Variants in ENOX2 observed in about 807,000 individuals in gnomAD.
ENOX2 encodes the protein ecto-NOX disulfide-thiol exchanger 2, also known as APK1 antigen.
In ENOX2, 36 loss-of-function variants were observed where a neutral mutation model predicts 45.0. That is an observed-to-expected ratio of 0.80 (90% CI 0.61 to 1.06). The LOEUF (loss-of-function observed/expected upper bound fraction) is 1.06. Ranked by LOEUF, ENOX2 falls within the 50% of genes least tolerant of loss-of-function variation. ENOX2 has a pLI of 0.00. For missense variants in ENOX2, 423 were observed against 462.5 expected (o/e 0.91, Z 0.78); for synonymous variants, 174 against 152.3 (o/e 1.14, Z -1.05).
intron 3 of ENOX2, among the ~76,000 whole-genome samples, chrX:130,722,029 A>G (rs1350905599): frequency 1.2e-4 from 13 of 111,884 alleles, no homozygotes; most frequent in Non-Finnish European, 1.7e-4. Context: ...TTCCAGGAGT[A>G]TAAATGGCAC....
chrX:130,655,304 T>A (rs2036517617), intron 10 of ENOX2, among the ~76,000 whole-genome samples: 1 of 112,068 alleles, frequency 8.9e-6, no homozygotes, highest in Non-Finnish European at 1.9e-5. Context: ...AAAATTCAGA[T>A]GTAATAGCTA....
In ENOX2 at chrX:130,667,743, C is replaced by T; in HGVS notation, c.695-1G>A. On this transcript the variant is annotated splice_acceptor_variant, in intron 7 of 14. Transcript: ENST00000394363. LOFTEE classifies it high-confidence loss of function. Reference sequence around the variant, plus strand: ...ACAGCTTCTGAGAATTTGGAATCATCTGAAAAAAATATATTTTTATAACCA... The same window carrying T: ...ACAGCTTCTGAGAATTTGGAATCATTTGAAAAAAATATATTTTTATAACCA... The T allele has an allele frequency of 8.5e-7, 1 of 1,181,100 alleles. No homozygotes were observed. Among genetic ancestry groups the T allele is most frequent in the Non-Finnish European group, 1.1e-6 (1 of 873,334 alleles).
At chrX:130,896,110 C>G (rs2079056290) in intron 2 of ENOX2, among the ~76,000 whole-genome samples, 1 of 111,757 alleles carries the variant, frequency 8.9e-6, no homozygotes, top group African/African-American at 3.3e-5. Context: ...AAGAGCCAAG[C>G]CTAGCTTGAG....
chrX:130,666,550 A>T (rs1372007256), intron 8 of ENOX2, among the ~76,000 whole-genome samples: 2 of 108,598 alleles, frequency 1.8e-5, no homozygotes, highest in African/African-American at 3.3e-5. Flanking sequence ...CAGAGGTATT[A>T]TTTTTTTTTT....
Position 130,688,983 on chromosome X carries a change from G to A in ENOX2, c.133C>T (p.Pro45Ser). 1.7e-6 allele frequency: 2 copies of A among 1,207,436 alleles called. No homozygotes were observed. The highest frequency in any genetic ancestry group is 1.1e-6 in the Non-Finnish European group (1 of 892,485). The change falls in exon 5 of 15, where the codon CCA (proline) becomes TCA (serine). Residue 45 changes from proline (P) to serine (S), a missense_variant. Transcript: ENST00000394363. ...CCAGGCATCATTGGAGTTATTGGTG[G>A]AATTCCAGTCATCATTCCAAGAGCA... is the stretch of plus-strand genomic sequence containing the variant. ...DPALGMMTGI[P>S]PITPMMPGLG...
chrX:130,676,547 G>A (rs1057050937), intron 6 of ENOX2, among the ~76,000 whole-genome samples: 12 of 111,371 alleles, frequency 1.1e-4, no homozygotes, highest in Admixed American at 2.8e-4. Flanking sequence ...TGTTTAGATG[G>A]ATGCTTCCTG....
At chrX:130,882,790 C>T (rs755847287) in intron 2 of ENOX2, among the ~76,000 whole-genome samples, 46 of 111,736 alleles carry the variant, frequency 4.1e-4, no homozygotes, top group Admixed American at 1.0e-3. Flanking sequence ...ATATCTGCTC[C>T]GGGTAGCACA....
At chrX:130,819,771 T>C (rs1036607298) in intron 2 of ENOX2, among the ~76,000 whole-genome samples, 1 of 111,119 alleles carries the variant, frequency 9.0e-6, no homozygotes, top group African/African-American at 3.3e-5. Flanking sequence ...AGATGACAGG[T>C]TGATGGGTGC....
At chrX:130,851,847 C>T (rs1203456830) in intron 2 of ENOX2, among the ~76,000 whole-genome samples, 3 of 112,037 alleles carry the variant, frequency 2.7e-5, no homozygotes, top group Non-Finnish European at 5.6e-5. Flanking sequence ...TCTTCAGTTT[C>T]ATTTGGAAGA....
intron 3 of ENOX2, among the ~76,000 whole-genome samples, chrX:130,751,981 T>C (rs1201207708): frequency 2.7e-5 from 3 of 111,864 alleles, no homozygotes; most frequent in Admixed American, 9.5e-5. Flanking sequence ...ACCAGATATA[T>C]GGTTTGCAAA....
At chrX:130,715,595 A>G (rs1004354055) in intron 3 of ENOX2, among the ~76,000 whole-genome samples, 16 of 110,149 alleles carry the variant, frequency 1.5e-4, no homozygotes, top group Non-Finnish European at 2.8e-4. Context: ...AAACCACAAC[A>G]CATTCCCATC....
At position 130,815,855 on chromosome X, in the gene ENOX2, C is replaced by A. The variant is rs2077474125; in HGVS notation, c.-182-32165G>T. Among the ~76,000 whole-genome samples the A allele has an allele frequency of 2.7e-5, 3 of 111,535 alleles. No homozygotes were observed. The Admixed American group carries it at 2.8e-4, about 11-fold the overall frequency. ...CTGCATCAACTAATGGGCAAAATAA[C>A]CAGCTAGCATCATCATGACAGGATC... is the stretch of plus-strand genomic sequence containing the variant. On this transcript the variant is annotated intron_variant, in intron 2 of 14. Coordinates refer to ENST00000394363, the MANE Select transcript of ENOX2 (RefSeq NM_006375.4).
chrX:130,822,599 G>A (rs1254556763), intron 2 of ENOX2, among the ~76,000 whole-genome samples: 3 of 109,948 alleles, frequency 2.7e-5, no homozygotes, highest in African/African-American at 1.0e-4. Context: ...GACACAGGAA[G>A]GGGAACATCA....
At chrX:130,859,489 T>C (rs748495157) in intron 2 of ENOX2, among the ~76,000 whole-genome samples, 7 of 112,650 alleles carry the variant, frequency 6.2e-5, no homozygotes, top group Non-Finnish European at 1.3e-4. Context: ...GAAGACTTCC[T>C]GAATGAGATA....
rs1424731033 is a variant in ENOX2, at chrX:130,627,994, T to C, written c.1578A>G (p.Glu526=). 4.1e-5 allele frequency: 49 copies of C among 1,207,380 alleles called. No individual in the cohort carries two copies. Among genetic ancestry groups the C allele is most frequent in the Non-Finnish European group, 5.4e-5 (48 of 891,513 alleles). ...LHVHPFGASI[E]YICSYLHRLD... The stretch of plus-strand genomic sequence containing the variant: ...GACGGTGCAAGTAGGAACAGATGTA[T>C]TCAATGCTTGCTCCAAATGGGTGAA... The change falls in exon 14 of 15, where the codon GAA becomes GAG. Residue 526 remains glutamate (E), a synonymous_variant. Transcript: ENST00000394363.
chrX:130,718,799 C>T (rs980880046), intron 3 of ENOX2, among the ~76,000 whole-genome samples: 2 of 111,748 alleles, frequency 1.8e-5, no homozygotes, highest in African/African-American at 3.3e-5. Flanking sequence ...CGACTTCAAA[C>T]ATCTTCCCCA....
chrX:130,744,295 G>A (rs1334236577), intron 3 of ENOX2, among the ~76,000 whole-genome samples: 1 of 112,142 alleles, frequency 8.9e-6, no homozygotes, highest in Non-Finnish European at 1.9e-5. Context: ...TACTTTATCT[G>A]TTTTCAACTT....
intron 3 of ENOX2, among the ~76,000 whole-genome samples, chrX:130,732,183 A>T (rs2038752749): frequency 8.9e-6 from 1 of 112,315 alleles, no homozygotes; most frequent in Non-Finnish European, 1.9e-5. Flanking sequence ...TAGAAAAATC[A>T]GTTGCATTTC....
chrX:130,758,411 T>A (rs2039402257), intron 3 of ENOX2, among the ~76,000 whole-genome samples: 1 of 112,540 alleles, frequency 8.9e-6, no homozygotes, highest in Non-Finnish European at 1.9e-5. Flanking sequence ...CTCAGCATAA[T>A]TCTCTGGAAA....
Sources: gnomAD v4.1 joint callset for allele counts (sites outside exome capture counted in the v4.1 genomes callset) on GRCh38, gnomAD v4.1.1 for gene constraint, MANE v1.5 for transcripts, NCBI Gene and HGNC (gene_info 2026-07-23, HGNC 2026-07-21) for gene names.